MYH7: variants seen among roughly 807,000 people sequenced by gnomAD.
MYH7 encodes myosin-7.
MYH7 carries 129 observed loss-of-function variants against 225.4 expected under a neutral mutation model. The observed-to-expected ratio is 0.57, with a 90% CI of 0.50 to 0.66. The LOEUF (loss-of-function observed/expected upper bound fraction) is 0.66. Ranked by LOEUF, MYH7 falls within the 30% of genes least tolerant of loss-of-function variation. The probability of loss-of-function intolerance (pLI) is 0.00; values close to 1 mark genes in which losing one functional copy is unlikely to be tolerated. For missense variants in MYH7, 1,649 were observed against 2,517.0 expected, an observed-to-expected ratio of 0.66 and a Z score of 7.38; for synonymous variants, 971 against 1,007.6, an observed-to-expected ratio of 0.96 and a Z score of 0.69.
At chr14:23,428,829 G>A in intron 14 of MYH7, 126 bp downstream of exon 14, 1 of 1,572,548 alleles carries the variant, frequency 6.4e-7, no homozygotes, top group Non-Finnish European at 8.7e-7. Flanking sequence ...GAAAATGACT[G>A]CCTCTGTCAC....
In MYH7 at chr14:23,430,583, C is replaced by A; in HGVS notation, c.976G>T (p.Ala326Ser). The A allele has an allele frequency of 3.7e-6, 6 of 1,613,946 alleles. No homozygotes were observed. Among genetic ancestry groups the A allele is most frequent in the Non-Finnish European group, 5.1e-6 (6 of 1,179,862 alleles). ...GETTVASIDD[A>S]EELMATDNAF... ...ACATCAGTGGCCATGAGCTCCTCAG[C>A]GTCATCAATGGAGGCCACGGTGGTC... Residue 326 changes from alanine to serine, a missense_variant, in exon 11 of 40, where the codon GCT becomes TCT. Coordinates refer to ENST00000355349, the MANE Select transcript of MYH7 (RefSeq NM_000257.4).
chr14:23,418,144 C>G (rs1056848769), intron 30 of MYH7, 66 bp downstream of exon 30: 38 of 1,610,958 alleles, frequency 2.4e-5, no homozygotes, highest in Admixed American at 1.7e-5. Flanking sequence ...TCTGCTGAGG[C>G]TGGGGCTGGG....
rs730880906 is a variant in MYH7 at position 23,419,522 on chromosome 14, C to G, written c.3814G>C (p.Asp1272His). The change falls in exon 28 of 40, where the codon GAC (aspartate) becomes CAC (histidine). Residue 1272 changes from aspartate to histidine, a missense_variant. This residue lies in a region of MYH7 where 687 missense variants were observed against 913.8 expected (regional missense o/e 0.75). Coordinates refer to ENST00000355349, the MANE Select transcript of MYH7 (RefSeq NM_000257.4). Reference sequence around the variant, plus strand: ...AACTTGGCCCGCTGGCTGGTGAGGTCGTTGACAGAACGCTGGGTCTCCTCC... The same window carrying G: ...AACTTGGCCCGCTGGCTGGTGAGGTGGTTGACAGAACGCTGGGTCTCCTCC... ...KAEETQRSVN[D>H]LTSQRAKLQT... 6.2e-7 allele frequency: 1 copy of G among 1,614,070 alleles called. No homozygotes were observed. Among genetic ancestry groups the G allele is most frequent in the Non-Finnish European group, 8.5e-7 (1 of 1,180,026 alleles).
intron 15 of MYH7, among the ~76,000 whole-genome samples, 156 bp downstream of exon 15, chr14:23,428,344 G>A (rs1892780071): frequency 6.6e-6 from 1 of 152,110 alleles, no homozygotes; most frequent in Admixed American, 6.5e-5. Flanking sequence ...CCCTGTCCTG[G>A]GTGCTCAGCA....
intron 24 of MYH7, among the ~76,000 whole-genome samples, chr14:23,422,616 C>G (rs1892524779): frequency 6.8e-6 from 1 of 146,242 alleles, no homozygotes; most frequent in Non-Finnish European, 1.5e-5. Context: ...TTCTCTCCTT[C>G]CTTCCTTCCT....
Position 23,431,759 on chromosome 14 carries a change from A to G in MYH7, c.639+2T>C. On this transcript the variant is annotated splice_donor_variant, in intron 7 of 39. Transcript: ENST00000355349. LOFTEE classifies it high-confidence loss of function. ...CAGGACCTTGGAGGGCAGCAGGCCT[A>G]CCTTGCCCGGGCTCTGGTCCTTCTT... is the stretch of plus-strand genomic sequence containing the variant. 6.2e-7 allele frequency: 1 copy of G among 1,614,196 alleles called. No individual in the cohort carries two copies. The highest frequency in any genetic ancestry group is 8.5e-7 in the Non-Finnish European group (1 of 1,180,012).
rs2138635168 is a variant in MYH7, at chr14:23,413,807, C to A, written c.5742G>T (p.Glu1914Asp). 1.2e-6 allele frequency: 2 copies of A among 1,614,262 alleles called. No homozygotes were observed. The change falls in exon 39 of 40, where the codon GAG (glutamate) becomes GAT (aspartate). Residue 1914 changes from glutamate to aspartate, a missense_variant. By Grantham distance (45) the Glu-to-Asp change is conservative. This residue lies in a region of MYH7 where 687 missense variants were observed against 913.8 expected (regional missense o/e 0.75). Coordinates refer to ENST00000355349, the MANE Select transcript of MYH7 (RefSeq NM_000257.4). ...DEAEERADIA[E>D]SQVNKLRAKS... ...TGGCCCGCAGCTTGTTGACCTGGGA[C>A]TCGGCGATGTCCGCCCGCTCCTCTG...
chr14:23,424,736 G>A (rs374774023), intron 22 of MYH7, 33 bp downstream of exon 22: 1 of 1,612,846 alleles, frequency 6.2e-7, no homozygotes, highest in Non-Finnish European at 8.5e-7. Flanking sequence ...GCAGAGCAGG[G>A]TGGAAGAGCC....
At chr14:23,422,031 G>A in intron 25 of MYH7, 149 bp downstream of exon 25, 1 of 1,251,644 alleles carries the variant, frequency 8.0e-7, no homozygotes, top group South Asian at 1.3e-5. Context: ...GGGGAGGAAA[G>A]CCCTTGCCTG....
rs962061311 is a variant in MYH7, at chr14:23,425,564, G to A, written c.2286+131C>T. 7 of 1,572,406 alleles carry A rather than the reference G, an allele frequency of 4.5e-6. No homozygotes were observed. The highest frequency in any genetic ancestry group is 6.1e-6 in the Non-Finnish European group (7 of 1,151,368). ...CTGGAGCTGGGATGAGGGGAGTGGT[G>A]CTAGATGTTCCACTGGGAGGGGTAG... is the stretch of plus-strand genomic sequence containing the variant. On this transcript the variant is annotated intron_variant, in intron 20 of 39. Transcript: ENST00000355349. This position sits in a 1 kb window ranked among gnomAD's most constrained non-coding sequence, Gnocchi z 4.6.
At chr14:23,422,617 C>T (rs1208103107) in intron 24 of MYH7, among the ~76,000 whole-genome samples, 21 of 141,254 alleles carry the variant, frequency 1.5e-4, no homozygotes, top group African/African-American at 3.6e-4. Flanking sequence ...TCTCTCCTTC[C>T]TTCCTTCCTT....
At position 23,417,055 on chromosome 14, in the gene MYH7, C is replaced by T. The variant is rs3729825; in HGVS notation, c.4520-63G>A. ...GAGGTCCAGTGGAGTTGGAGGGACA[C>T]GCCTCTTTGCCCAGACGCCTCTTGG... On this transcript the variant is annotated intron_variant, in intron 32 of 39. Coordinates refer to ENST00000355349, the MANE Select transcript of MYH7 (RefSeq NM_000257.4). 0.15 allele frequency: 246,401 copies of T among 1,613,984 alleles called. 21,502 individuals are homozygous for T. The highest frequency in any genetic ancestry group is 0.32 in the African/African-American group (24,166 of 74,982).
chr14:23,430,931 T>C lies in MYH7; in HGVS notation c.865A>G (p.Ile289Val), dbSNP rs1216709776. 6.2e-7 allele frequency: 1 copy of C among 1,613,918 alleles called. No homozygotes were observed. Among genetic ancestry groups the C allele is most frequent in the Admixed American group, 1.7e-5 (1 of 60,014 alleles). The change falls in exon 10 of 40, where the codon ATC becomes GTC. Residue 289 changes from isoleucine (I) to valine (V), a missense_variant. Coordinates refer to ENST00000355349, the MANE Select transcript of MYH7 (RefSeq NM_000257.4). ...AERDYHIFYQILSNKKPELLD... is the reference protein window; with the variant it reads ...AERDYHIFYQVLSNKKPELLD... ...AGCTCAGGCTTTTTGTTAGACAGGATTTGGTAGAAAATGTGATAATCTCTC... is the reference window on the plus strand; with the variant it reads ...AGCTCAGGCTTTTTGTTAGACAGGACTTGGTAGAAAATGTGATAATCTCTC...
intron 30 of MYH7, chr14:23,417,979 G>A: frequency 2.2e-6 from 2 of 894,434 alleles, no homozygotes; most frequent in Non-Finnish European, 3.8e-6. Flanking sequence ...GCCCCAGACG[G>A]AAGCACTCTG....
Position 23,429,885 on chromosome 14 carries a change from G to A in MYH7, c.1028C>T (p.Ser343Leu). The A allele has an allele frequency of 1.2e-6, 2 of 1,614,074 alleles. No individual in the cohort carries two copies. The highest frequency in any genetic ancestry group is 1.7e-6 in the Non-Finnish European group (2 of 1,180,020). The change falls in exon 12 of 40, where the codon TCA (serine) becomes TTA (leucine). Residue 343 changes from serine to leucine, a missense_variant. Physicochemically the swap from Ser to Leu is moderately radical, Grantham distance 145 (BLOSUM62 -2). This residue lies in a region of MYH7 where 131 missense variants were observed against 231.3 expected (regional missense o/e 0.57). Coordinates refer to ENST00000355349, the MANE Select transcript of MYH7 (RefSeq NM_000257.4). ...CTTATACATGGAGTTTTTCTCCTCT[G>A]AAGTGAAGCCCAGCACATCAAAAGC... ...DNAFDVLGFT[S>L]EEKNSMYKLT...
intron 1 of MYH7, 97 bp from the exon 2 acceptor site, chr14:23,434,346 C>A (rs1201695248): frequency 4.4e-5 from 38 of 856,508 alleles, no homozygotes; most frequent in Non-Finnish European, 5.1e-5. Flanking sequence ...CAGCATCCAC[C>A]CTCTTCCAAA....
rs1893056140 is a variant in MYH7 at position 23,433,997 on chromosome 14, T to C, written c.-9+197A>G. ...GGAAGGAAGAGCATTCTGAGCTCCC[T>C]GTAGGAGCAGAAATCTAACTATTTC... On this transcript the variant is annotated intron_variant, in intron 2 of 39. Transcript: ENST00000355349. This position sits in a 1 kb window ranked among gnomAD's most constrained non-coding sequence, Gnocchi z 4.1. 6.6e-6 allele frequency among the ~76,000 whole-genome samples: 1 copy of C among 152,240 alleles called. No homozygotes were observed. Among genetic ancestry groups the C allele is most frequent in the South Asian group, 2.1e-4 (1 of 4,838 alleles).
chr14:23,427,152 G>A (rs562739623), intron 17 of MYH7, 88 bp downstream of exon 17: 65 of 1,261,374 alleles, frequency 5.2e-5, no homozygotes, highest in Non-Finnish European at 7.0e-5. Flanking sequence ...AACGGGAGGA[G>A]TAGGGGATGA....
Position 23,432,525 on chromosome 14 carries a change from G to A in MYH7, c.503-19C>T, listed in dbSNP as rs1892990418. 1 of 1,614,142 alleles carries A rather than the reference G, an allele frequency of 6.2e-7. No homozygotes were observed. Among genetic ancestry groups the A allele is most frequent in the Non-Finnish European group, 8.5e-7 (1 of 1,180,016 alleles). On this transcript the variant is annotated intron_variant, in intron 5 of 39. Transcript: ENST00000355349. ...TCTCTGTCTGTGGGGAGAGGGTGGG[G>A]AGGAAAGGTCAGGAGCTGCACAGGA...
Sources: allele counts gnomAD v4.1 joint callset (sites outside exome capture counted in the v4.1 genomes callset), GRCh38; gene constraint gnomAD v4.1.1; regional missense constraint gnomAD v4.1.1; non-coding constraint Gnocchi (gnomAD v3.1); transcripts MANE v1.5; gene names NCBI Gene and HGNC (gene_info 2026-07-23, HGNC 2026-07-21).